The following TBC1D32 variants were observed in gnomAD, a reference collection of about 807,000 sequenced individuals.
TBC1D32 encodes protein broad-minded.
A neutral mutation model predicts 170.3 loss-of-function variants in TBC1D32; 151 were observed. That is an observed-to-expected ratio of 0.89 (90% confidence interval 0.78 to 1.01). TBC1D32 has a LOEUF of 1.01. Ranked by LOEUF, TBC1D32 falls within the 50% of genes least tolerant of loss-of-function variation. TBC1D32 has a pLI of 0.00. For synonymous variants in TBC1D32, 498 were observed against 488.0 expected (o/e 1.02, Z -0.27); for missense variants, 1,464 against 1,457.1 (o/e 1.00, Z -0.08).
chr6:121,239,634 T>C (rs1461302952), intron 19 of TBC1D32, among the ~76,000 whole-genome samples: 1 of 152,126 alleles, frequency 6.6e-6, no homozygotes, highest in African/African-American at 2.4e-5. Context: ...AAAGAGTGTA[T>C]GCTCCCTTAT....
intron 20 of TBC1D32, among the ~76,000 whole-genome samples, chr6:121,238,370 A>C (rs919609476): frequency 2.6e-5 from 4 of 152,098 alleles, no homozygotes; most frequent in Admixed American, 6.6e-5. Context: ...CTTGATTTTT[A>C]ACTTATTTTT....
At chr6:121,301,622 C>T (rs1001532601) in intron 9 of TBC1D32, among the ~76,000 whole-genome samples, 4 of 152,040 alleles carry the variant, frequency 2.6e-5, no homozygotes, top group Non-Finnish European at 5.9e-5. Flanking sequence ...ACCACCATGG[C>T]ACGTGTATAC....
chr6:121,116,599 G>C (rs1455548063), intron 26 of TBC1D32, among the ~76,000 whole-genome samples: 1 of 152,192 alleles, frequency 6.6e-6, no homozygotes, highest in Non-Finnish European at 1.5e-5. Flanking sequence ...TGAGTGTGCA[G>C]TGGGTGGAGA....
At chr6:121,195,456 A>C (rs1790599922) in intron 22 of TBC1D32, among the ~76,000 whole-genome samples, 1 of 152,150 alleles carries the variant, frequency 6.6e-6, no homozygotes. Context: ...ACTGTGGGTC[A>C]AGTCACCATG....
chr6:121,178,101 T>C (rs11154001), intron 22 of TBC1D32, among the ~76,000 whole-genome samples: 59,624 of 152,012 alleles, frequency 0.39, 14,946 homozygotes, highest in Non-Finnish European at 0.57. Flanking sequence ...TGCCAGACAC[T>C]TGTGAAACCA....
rs1406903072 is a variant in TBC1D32, at chr6:121,266,629, A to G, written c.1734-10344T>C. On this transcript the variant is annotated intron_variant, in intron 15 of 31. Transcript: ENST00000398212. ...CATGGACATGTATGTTTACTGCAGC[A>G]CTATTCACAATAGCAAAGATGTGGA... Among the ~76,000 whole-genome samples, 4 of 152,290 alleles carry G rather than the reference A, an allele frequency of 2.6e-5. No homozygotes were observed. In the East Asian group the frequency reaches 7.7e-4, roughly 29 times the overall value.
At chr6:121,248,767 C>T (rs771969995) in intron 17 of TBC1D32, among the ~76,000 whole-genome samples, 21 of 150,552 alleles carry the variant, frequency 1.4e-4, no homozygotes, top group African/African-American at 4.9e-4. Flanking sequence ...GAAACAGAAA[C>T]CCTGAACAGA....
intron 24 of TBC1D32, among the ~76,000 whole-genome samples, chr6:121,145,653 T>C (rs899965396): frequency 5.3e-5 from 8 of 152,228 alleles, no homozygotes; most frequent in Admixed American, 4.6e-4. Flanking sequence ...CATATGTTAA[T>C]TGGCTGAATT....
chr6:121,299,035 T>C (rs974454136), intron 10 of TBC1D32, among the ~76,000 whole-genome samples: 3 of 152,086 alleles, frequency 2.0e-5, no homozygotes, highest in Non-Finnish European at 4.4e-5. Context: ...CTCAAACCAA[T>C]TATTGAAAAT....
chr6:121,081,206 A>G (rs1775615384), intron 31 of TBC1D32, among the ~76,000 whole-genome samples: 1 of 152,216 alleles, frequency 6.6e-6, no homozygotes, highest in Admixed American at 6.5e-5. Context: ...ATGATTGTTC[A>G]AATTTGTAAT....
At chr6:121,133,881 A>T (rs375821897) in intron 24 of TBC1D32, among the ~76,000 whole-genome samples, 2 of 152,016 alleles carry the variant, frequency 1.3e-5, no homozygotes, top group East Asian at 3.9e-4. Context: ...AAAAATTATC[A>T]AGCATTAAAT....
chr6:121,118,451 T>C (rs1378016260), intron 26 of TBC1D32, among the ~76,000 whole-genome samples: 2 of 152,174 alleles, frequency 1.3e-5, no homozygotes, highest in Non-Finnish European at 2.9e-5. Flanking sequence ...ATAAAATGAG[T>C]TGACAAAATT....
rs578033721 is a variant in TBC1D32 at position 121,205,674 on chromosome 6, C to A, written c.2482-511G>T. Among the ~76,000 whole-genome samples the A allele has an allele frequency of 2.6e-5, 4 of 152,284 alleles. No homozygotes were observed. The East Asian group carries it at 7.7e-4, about 29-fold the overall frequency. The stretch of plus-strand genomic sequence containing the variant: ...TCCAACCCTGGTTGAACATTAGACT[C>A]ACGTAGGGAACTTAAGAAAGATACA... On this transcript the variant is annotated intron_variant, in intron 21 of 31. Transcript: ENST00000398212.
chr6:121,117,900 T>C (rs994023821), intron 26 of TBC1D32, among the ~76,000 whole-genome samples: 4 of 152,024 alleles, frequency 2.6e-5, no homozygotes, highest in East Asian at 1.9e-4. Flanking sequence ...CTGGACTACA[T>C]TAACTTATAA....
chr6:121,129,966 A>G (rs1419819521), intron 25 of TBC1D32: 1 of 418,240 alleles, frequency 2.4e-6, no homozygotes, highest in Non-Finnish European at 4.6e-6. Context: ...AAATTACAAG[A>G]GCAAAATAAA....
intron 22 of TBC1D32, among the ~76,000 whole-genome samples, 189 bp from the exon 23 acceptor site, chr6:121,161,245 T>C (rs1317953329): frequency 1.3e-5 from 2 of 152,204 alleles, no homozygotes; most frequent in Admixed American, 1.3e-4. Context: ...GCAGGTTTGT[T>C]ACATAGGCAA....
chr6:121,214,641 G>A (rs1203343018), intron 21 of TBC1D32, among the ~76,000 whole-genome samples: 1 of 152,196 alleles, frequency 6.6e-6, no homozygotes, highest in African/African-American at 2.4e-5. Context: ...GAGCCCCAAA[G>A]AGGGTGTCAC....
intron 24 of TBC1D32, among the ~76,000 whole-genome samples, chr6:121,136,101 T>C (rs1782042856): frequency 6.6e-6 from 1 of 152,246 alleles, no homozygotes; most frequent in Non-Finnish European, 1.5e-5. Flanking sequence ...AACAGATTAA[T>C]AGACACAGAT....
intron 31 of TBC1D32, among the ~76,000 whole-genome samples, chr6:121,086,755 T>G (rs1231780517): frequency 6.6e-6 from 1 of 152,166 alleles, no homozygotes; most frequent in African/African-American, 2.4e-5. Context: ...AAAGCCAAGA[T>G]TGCTGACAGC....
Sources: gnomAD v4.1 joint callset for allele counts (sites outside exome capture counted in the v4.1 genomes callset) on GRCh38, gnomAD v4.1.1 for gene constraint, MANE v1.5 for transcripts, NCBI Gene and HGNC (gene_info 2026-07-23, HGNC 2026-07-21) for gene names.